The following FGF12 variants were observed in gnomAD, a reference collection of about 807,000 sequenced individuals.
FGF12 encodes the protein fibroblast growth factor 12B.
In FGF12, 14 loss-of-function variants were observed where a neutral mutation model predicts 23.6. The ratio of observed to expected loss-of-function variants is 0.59; its 90% CI spans 0.39 to 0.93. The LOEUF (loss-of-function observed/expected upper bound fraction) is 0.93. Among genes scored for constraint, FGF12 ranks in the 40% least tolerant of loss-of-function variants. FGF12 has a pLI of 0.00. For missense variants in FGF12, 175 were observed against 217.8 expected (o/e 0.80, Z 1.24); for synonymous variants, 62 against 77.3 (o/e 0.80, Z 1.04).
chr3:192,451,984 T>C (rs896748548), intron 2 of FGF12, among the ~76,000 whole-genome samples: 1 of 151,602 alleles, frequency 6.6e-6, no homozygotes, highest in African/African-American at 2.4e-5. Context: ...CATTAATAGA[T>C]TTTTTTTTCT....
At chr3:192,600,803 G>C (rs960784494) in intron 2 of FGF12, among the ~76,000 whole-genome samples, 1 of 152,052 alleles carries the variant, frequency 6.6e-6, no homozygotes, top group South Asian at 2.1e-4. Context: ...AATAACAAAT[G>C]CTGGCAGGGA....
At chr3:192,256,705 A>C (rs1712419199) in intron 4 of FGF12, among the ~76,000 whole-genome samples, 1 of 152,164 alleles carries the variant, frequency 6.6e-6, no homozygotes, top group Non-Finnish European at 1.5e-5. Context: ...TAAAAATAGT[A>C]AAGTAGGTTT....
intron 2 of FGF12, among the ~76,000 whole-genome samples, chr3:192,595,177 C>T (rs1713786742): frequency 6.6e-6 from 1 of 152,208 alleles, no homozygotes; most frequent in Non-Finnish European, 1.5e-5. Flanking sequence ...CTCCTTTGAA[C>T]CAGCTGTCAT....
chr3:192,399,018 A>G (rs1358141088), intron 2 of FGF12, among the ~76,000 whole-genome samples: 4 of 152,162 alleles, frequency 2.6e-5, no homozygotes, highest in Admixed American at 1.3e-4. Flanking sequence ...TCCTGTGCTT[A>G]GGAACTGAAG....
At position 192,563,144 on chromosome 3, in the gene FGF12, C is replaced by T. The variant is rs562971333; in HGVS notation, c.13+164037G>A. Among the ~76,000 whole-genome samples, 6 of 152,116 alleles carry T rather than the reference C, an allele frequency of 3.9e-5. No individual in the cohort carries two copies. The South Asian group carries it at 8.3e-4, about 21-fold the overall frequency. ...TGAGAGCTTTAGAACTGGGACCTAC[C>T]GTTGAAGTTAAAAGTAAAGCAATTT... On this transcript the variant is annotated intron_variant, in intron 2 of 5. Transcript: ENST00000445105.
intron 5 of FGF12, among the ~76,000 whole-genome samples, chr3:192,146,288 T>TTTC (rs1713706624): frequency 1.4e-5 from 2 of 147,388 alleles, no homozygotes; most frequent in Non-Finnish European, 3.0e-5. Context: ...TTTTTTTTTT[T>TTTC]GAGACGGAGT....
At chr3:192,158,029 T>C (rs1334229880) in intron 5 of FGF12, among the ~76,000 whole-genome samples, 1 of 152,184 alleles carries the variant, frequency 6.6e-6, no homozygotes, top group Middle Eastern at 3.2e-3. Flanking sequence ...CATTTGAGAC[T>C]AACCCTGGTG....
At chr3:192,434,733 C>G (rs1351269802) in intron 2 of FGF12, among the ~76,000 whole-genome samples, 1 of 152,012 alleles carries the variant, frequency 6.6e-6, no homozygotes, top group Non-Finnish European at 1.5e-5. Context: ...TTGTGCTACT[C>G]GAAATACAGT....
At chr3:192,543,997 G>T (rs934046171) in intron 2 of FGF12, among the ~76,000 whole-genome samples, 3 of 152,188 alleles carry the variant, frequency 2.0e-5, no homozygotes, top group Non-Finnish European at 4.4e-5. Context: ...GATAGTGCAA[G>T]CACTCTCTTT....
chr3:192,169,290 G>A (rs879479001), intron 5 of FGF12, among the ~76,000 whole-genome samples: 5 of 152,056 alleles, frequency 3.3e-5, no homozygotes, highest in Admixed American at 6.6e-5. Flanking sequence ...GCAGTGAGCC[G>A]AGATTGCACC....
At chr3:192,608,621 G>C (rs1714435043) in intron 2 of FGF12, among the ~76,000 whole-genome samples, 2 of 152,060 alleles carry the variant, frequency 1.3e-5, no homozygotes, top group African/African-American at 4.8e-5. Context: ...GCAGAGCCCA[G>C]AACACCCAAC....
At chr3:192,628,567 T>C (rs1324482054) in intron 2 of FGF12, among the ~76,000 whole-genome samples, 1 of 150,614 alleles carries the variant, frequency 6.6e-6, no homozygotes, top group Non-Finnish European at 1.5e-5. Flanking sequence ...GTTTCATATA[T>C]ATACATAAAT....
Position 192,409,350 on chromosome 3 carries a change from G to T in FGF12, c.14-48812C>A, listed in dbSNP as rs1576960442. On this transcript the variant is annotated intron_variant, in intron 2 of 5. Transcript: ENST00000445105. This position sits in a 1 kb window ranked among gnomAD's most constrained non-coding sequence, Gnocchi z 4.8. ...CCTTTAACTGGAGCTCCCCGCCATG[G>T]TCCACCCGGGGCCGCCGCACCGAGC... Among the ~76,000 whole-genome samples the T allele has an allele frequency of 6.6e-6, 1 of 152,274 alleles. No homozygotes were observed. Among genetic ancestry groups the T allele is most frequent in the East Asian group, 1.9e-4 (1 of 5,146 alleles).
At chr3:192,396,785 AG>A (rs2108766565) in intron 2 of FGF12, among the ~76,000 whole-genome samples, 1 of 152,338 alleles carries the variant, frequency 6.6e-6, no homozygotes, top group South Asian at 2.1e-4. Context: ...AGCTGCATAA[AG>A]CTTGCTGCTC....
At chr3:192,146,339 A>C (rs1713714735) in intron 5 of FGF12, among the ~76,000 whole-genome samples, 2 of 142,016 alleles carry the variant, frequency 1.4e-5, no homozygotes, top group Admixed American at 1.5e-4. Flanking sequence ...GGTGCTATCT[A>C]GGCTCACTGC....
intron 2 of FGF12, among the ~76,000 whole-genome samples, chr3:192,612,570 G>A (rs1022345305): frequency 6.6e-6 from 1 of 152,002 alleles, no homozygotes; most frequent in East Asian, 1.9e-4. Context: ...TGCAGAATGG[G>A]AAATGTCACG....
intron 2 of FGF12, among the ~76,000 whole-genome samples, chr3:192,519,564 A>G (rs1440012676): frequency 6.6e-6 from 1 of 152,188 alleles, no homozygotes; most frequent in Non-Finnish European, 1.5e-5. Flanking sequence ...TAATTGATAA[A>G]TATATTGAGG....
chr3:192,170,441 G>C lies in FGF12; in HGVS notation c.427+17C>G. 1 of 1,608,840 alleles carries C rather than the reference G, an allele frequency of 6.2e-7. No homozygotes were observed. The highest frequency in any genetic ancestry group is 8.5e-7 in the Non-Finnish European group (1 of 1,175,550). Reference sequence around the variant, plus strand: ...CACAGATAAGGGTCCAACAAAGACAGTCAGTTGGTTTCATACCTTCAATAG... The same window carrying C: ...CACAGATAAGGGTCCAACAAAGACACTCAGTTGGTTTCATACCTTCAATAG... On this transcript the variant is annotated intron_variant, in intron 5 of 5. Transcript: ENST00000445105.
At chr3:192,529,311 A>G (rs926404786) in intron 2 of FGF12, among the ~76,000 whole-genome samples, 1 of 152,222 alleles carries the variant, frequency 6.6e-6, no homozygotes, top group Non-Finnish European at 1.5e-5. Context: ...TTGCTAACAC[A>G]TAACAAGAGA....
Sources: allele counts gnomAD v4.1 joint callset (sites outside exome capture counted in the v4.1 genomes callset), GRCh38; gene constraint gnomAD v4.1.1; non-coding constraint Gnocchi (gnomAD v3.1); transcripts MANE v1.5; gene names NCBI Gene and HGNC (gene_info 2026-07-23, HGNC 2026-07-21).